The following NLRC5 variants were observed in gnomAD, a reference collection of about 807,000 sequenced individuals.
NLRC5 encodes protein NLRC5.
In NLRC5, 114 loss-of-function variants were observed where a neutral mutation model predicts 206.9. The observed-to-expected ratio is 0.55, with a 90% CI of 0.47 to 0.64. The LOEUF is 0.64. Among genes scored for constraint, NLRC5 ranks in the 30% least tolerant of loss-of-function variants. NLRC5 has a pLI of 0.00. For synonymous variants in NLRC5, 952 were observed against 962.8 expected (o/e 0.99, Z 0.21); for missense variants, 2,008 against 2,305.5 (o/e 0.87, Z 2.64).
chr16:57,035,226 C>A (rs953748225), intron 13 of NLRC5, among the ~76,000 whole-genome samples: 2 of 152,134 alleles, frequency 1.3e-5, no homozygotes, highest in African/African-American at 4.8e-5. Context: ...AAACTATCCT[C>A]TTTTCCTCCA....
chr16:57,071,385 T>G (rs1490618359), intron 38 of NLRC5, among the ~76,000 whole-genome samples: 94 of 62,400 alleles, frequency 1.5e-3, no homozygotes, highest in Admixed American at 2.8e-3. Context: ...GTGAGTGGTG[T>G]TGGTGGTTAA....
chr16:57,065,382 G>GGAA, intron 33 of NLRC5, 84 bp downstream of exon 33: 5 of 971,574 alleles, frequency 5.1e-6, no homozygotes, highest in Middle Eastern at 2.3e-4. Flanking sequence ...TCATCCTGTG[G>GGAA]GGTAATAGCT....
intron 18 of NLRC5, among the ~76,000 whole-genome samples, 155 bp from the exon 19 acceptor site, chr16:57,041,827 C>A (rs933944049): frequency 1.3e-5 from 2 of 151,856 alleles, no homozygotes; most frequent in African/African-American, 2.4e-5. Context: ...TGGGGGAGAC[C>A]CCAGCTGCCC....
At chr16:57,064,358 A>G (rs1439052213) in intron 32 of NLRC5, among the ~76,000 whole-genome samples, 1 of 152,216 alleles carries the variant, frequency 6.6e-6, no homozygotes, top group African/African-American at 2.4e-5. Flanking sequence ...AAATTAATGC[A>G]CATGCATTGT....
At chr16:57,051,883 T>C (rs2064961948) in intron 24 of NLRC5, among the ~76,000 whole-genome samples, 1 of 152,174 alleles carries the variant, frequency 6.6e-6, no homozygotes, top group Non-Finnish European at 1.5e-5. Flanking sequence ...CTCAGTTTCC[T>C]CATCTGACAA....
intron 36 of NLRC5, among the ~76,000 whole-genome samples, chr16:57,068,598 C>T (rs1441787264): frequency 6.6e-6 from 1 of 152,164 alleles, no homozygotes; most frequent in Non-Finnish European, 1.5e-5. Context: ...TACCCGTTAA[C>T]ATTTCAGCGA....
rs766166217 is a variant in NLRC5 at position 57,042,019 on chromosome 16, C to T, written c.3067C>T (p.Arg1023Trp). The change falls in exon 19 of 49, where the codon CGG becomes TGG. Residue 1023 changes from arginine (R) to tryptophan (W), a missense_variant. By Grantham distance (101) the Arg-to-Trp change is moderately radical. Transcript: ENST00000688547. ...GNALGDEGAA[R>W]LAQLLPGLGA... ...TGCTCTGGGGGATGAAGGTGCAGCC[C>T]GGCTGGCTCAGCTGCTCCCAGGGCT... 21 of 1,575,052 alleles carry T rather than the reference C, an allele frequency of 1.3e-5. No individual in the cohort carries two copies. The highest frequency in any genetic ancestry group is 3.9e-5 in the Admixed American group (2 of 50,774).
rs773641875 is a variant in NLRC5 at position 57,079,117 on chromosome 16, C to G, written c.5149C>G (p.His1717Asp). 2.5e-6 allele frequency: 4 copies of G among 1,614,048 alleles called. No homozygotes were observed. In the African/African-American group the frequency reaches 5.3e-5, roughly 22 times the overall value. ...GGCCCAGGCCCTGGATGGATCCCCCCATTTGGAAGAGATCAGGTAAGTAGG... is the reference window on the plus strand; with the variant it reads ...GGCCCAGGCCCTGGATGGATCCCCCGATTTGGAAGAGATCAGGTAAGTAGG... The part of the protein sequence containing the change: ...SLAQALDGSP[H>D]LEEISLAENN... The change falls in exon 44 of 49, where the codon CAT becomes GAT. Residue 1717 changes from histidine (H) to aspartate (D), a missense_variant. Physicochemically the swap from His to Asp is moderately conservative, Grantham distance 81. Transcript: ENST00000688547.
chr16:56,999,938 C>A (rs1329336759), intron 1 of NLRC5, among the ~76,000 whole-genome samples: 2 of 152,190 alleles, frequency 1.3e-5, no homozygotes, highest in Non-Finnish European at 2.9e-5. Flanking sequence ...ACATGGGGAA[C>A]CCCCCGGGAG....
Position 57,025,965 on chromosome 16 carries a change from G to A in NLRC5, c.1022G>A (p.Arg341Gln), listed in dbSNP as rs143641044. ...LCNGTLLPGC[R>Q]VMATSRPGKL... The stretch of plus-strand genomic sequence containing the variant: ...AATGGGACCCTCCTGCCTGGCTGCC[G>A]GGTGATGGCTACCTCCCGTCCAGGG... Residue 341 changes from arginine (R) to glutamine (Q), a missense_variant, in exon 6 of 49, where the codon CGG (arginine) becomes CAG (glutamine). By Grantham distance (43) the Arg-to-Gln change is conservative. Transcript: ENST00000688547. The A allele has an allele frequency of 7.1e-5, 115 of 1,613,978 alleles. No homozygotes were observed. The African/African-American group carries it at 8.8e-4, about 12-fold the overall frequency.
intron 1 of NLRC5, among the ~76,000 whole-genome samples, chr16:57,009,282 T>G (rs1271213444): frequency 3.1e-5 from 4 of 127,932 alleles, no homozygotes; most frequent in Non-Finnish European, 6.7e-5. Context: ...CAGAGTGAGA[T>G]TCCGTCTCAA....
rs146526332 is a variant in NLRC5, at chr16:57,045,628, A to C, written c.3248+136A>C. ...ACCCAAGTCCGGCACACTAGGTTTA[A>C]TCACCACTTCAGTAACCACCGCCCC... On this transcript the variant is annotated intron_variant, in intron 21 of 48. Transcript: ENST00000688547. The C allele has an allele frequency of 2.5e-3, 1,846 of 733,176 alleles. 15 individuals carry two copies. Among genetic ancestry groups the C allele is most frequent in the East Asian group, 0.014 (535 of 37,482 alleles). The allele number at this position is 733,176 out of a possible 1,614,324, so 45.4% of individuals were successfully genotyped here. A position where few individuals can be genotyped will look rare whatever the true frequency, so the allele number is the denominator to read the frequency against.
At chr16:57,067,587 T>A in intron 35 of NLRC5, 117 bp downstream of exon 35, 1 of 1,368,058 alleles carries the variant, frequency 7.3e-7, no homozygotes, top group South Asian at 1.2e-5. Flanking sequence ...AAATCACACT[T>A]GGCCAGTGGA....
At chr16:57,067,573 G>C (rs761741861) in intron 35 of NLRC5, 103 bp downstream of exon 35, 100 of 1,407,740 alleles carry the variant, frequency 7.1e-5, no homozygotes, top group Non-Finnish European at 9.7e-5. Context: ...CCTTGTGCAG[G>C]AGAAAATCAC....
intron 32 of NLRC5, 33 bp from the exon 33 acceptor site, chr16:57,065,179 G>T (rs761764478): frequency 1.1e-5 from 15 of 1,424,794 alleles, no homozygotes; most frequent in Admixed American, 2.2e-5. Flanking sequence ...GCTCACCTTG[G>T]GGGGGCCTTA....
intron 1 of NLRC5, among the ~76,000 whole-genome samples, chr16:57,010,275 A>G (rs2059352454): frequency 1.3e-5 from 2 of 152,244 alleles, no homozygotes; most frequent in African/African-American, 4.8e-5. Flanking sequence ...AACTTTGTCA[A>G]CTGCTTTTCC....
In NLRC5 at chr16:57,042,013, G is replaced by A; in HGVS notation, c.3061G>A (p.Ala1021Thr). The A allele has an allele frequency of 1.3e-6, 2 of 1,578,040 alleles. No homozygotes were observed. Among genetic ancestry groups the A allele is most frequent in the Admixed American group, 2.0e-5 (1 of 51,200 alleles). The change falls in exon 19 of 49, where the codon GCA becomes ACA. Residue 1021 changes from alanine (A) to threonine (T), a missense_variant. By Grantham distance (58) the Ala-to-Thr change is moderately conservative (BLOSUM62 0). Coordinates refer to ENST00000688547, the MANE Select transcript of NLRC5 (RefSeq NM_001384950.1). ...AGGCAATGCTCTGGGGGATGAAGGTGCAGCCCGGCTGGCTCAGCTGCTCCC... is the reference window on the plus strand; with the variant it reads ...AGGCAATGCTCTGGGGGATGAAGGTACAGCCCGGCTGGCTCAGCTGCTCCC... ...FSGNALGDEG[A>T]ARLAQLLPGL... is the part of the protein sequence containing the mutation.
intron 48 of NLRC5, 43 bp from the exon 49 acceptor site, chr16:57,082,374 A>C: frequency 2.1e-6 from 3 of 1,460,506 alleles, no homozygotes; most frequent in Non-Finnish European, 2.9e-6. Context: ...GACAGATGGC[A>C]AAGATGGGAG....
chr16:57,031,502 A>T (rs1248025548), intron 11 of NLRC5, 39 bp downstream of exon 11: 1 of 1,607,934 alleles, frequency 6.2e-7, no homozygotes, highest in Non-Finnish European at 8.5e-7. Context: ...GGCCATCCTT[A>T]GAAGCAACTT....
Sources: allele counts gnomAD v4.1 joint callset (sites outside exome capture counted in the v4.1 genomes callset), GRCh38; gene constraint gnomAD v4.1.1; transcripts MANE v1.5; gene names NCBI Gene and HGNC (gene_info 2026-07-23, HGNC 2026-07-21).